Variants in SPRED1 observed in about 807,000 individuals in gnomAD.
SPRED1 encodes the protein sprouty-related, EVH1 domain-containing protein 1.
SPRED1 carries 18 observed loss-of-function variants against 52.3 expected under a neutral mutation model. The observed-to-expected ratio is 0.34, with a 90% CI of 0.24 to 0.51. SPRED1 has a LOEUF of 0.51. Among genes scored for constraint, SPRED1 ranks in the 20% least tolerant of loss-of-function variants. The pLI is 0.97. For synonymous variants in SPRED1, 155 were observed against 179.7 expected (o/e 0.86, Z 1.10); for missense variants, 485 against 551.0 (o/e 0.88, Z 1.20).
Position 38,357,242 on chromosome 15 carries a change from A to G in SPRED1, c.*5578A>G, listed in dbSNP as rs1286490380. 1 of 152,218 alleles carries G rather than the reference A, an allele frequency of 6.6e-6. No individual in the cohort carries two copies. The highest frequency in any genetic ancestry group is 1.5e-5 in the Non-Finnish European group (1 of 68,030). 9.4% of individuals were successfully genotyped at this position (152,218 alleles called of 1,614,324 possible). On this transcript the variant is annotated 3_prime_UTR_variant, in exon 7 of 7. Transcript: ENST00000299084. Reference sequence around the variant, plus strand: ...TACATTCATAATAAAAGTCTTAACAAAATCACAGTTGAAATAGTGTTTCTT... The same window carrying G: ...TACATTCATAATAAAAGTCTTAACAGAATCACAGTTGAAATAGTGTTTCTT...
At chr15:38,323,295 TA>T (rs774575354) in intron 3 of SPRED1, among the ~76,000 whole-genome samples, 4 of 152,292 alleles carry the variant, frequency 2.6e-5, no homozygotes, top group Non-Finnish European at 5.9e-5. Context: ...TTAGCTACTT[TA>T]AAAGATTAGA....
In SPRED1 at chr15:38,253,127, G is replaced by T; in HGVS notation, c.-59G>T. 1 of 1,528,372 alleles carries T rather than the reference G, an allele frequency of 6.5e-7. No individual in the cohort carries two copies. The highest frequency in any genetic ancestry group is 8.9e-7 in the Non-Finnish European group (1 of 1,125,362). The allele number at this position is 1,528,372 out of a possible 1,614,324, so 94.7% of individuals were successfully genotyped here. A position where few individuals can be genotyped will look rare whatever the true frequency, so the allele number is the denominator to read the frequency against. ...CTGCCTCCTGCCCCTCGGTGCTGCT[G>T]TTGCTCCCCCGCCTGCTGTTGCTCC... On this transcript the variant is annotated 5_prime_UTR_variant, in exon 1 of 7. Coordinates refer to ENST00000299084, the MANE Select transcript of SPRED1 (RefSeq NM_152594.3).
chr15:38,312,027 AG>A (rs1164918347), intron 2 of SPRED1, among the ~76,000 whole-genome samples: 1 of 152,090 alleles, frequency 6.6e-6, no homozygotes, highest in African/African-American at 2.4e-5. Flanking sequence ...AAAAGACTTC[AG>A]TTCACTATAG....
chr15:38,299,481 C>A lies in SPRED1; in HGVS notation c.141C>A (p.Val47=). ...SGLSSVTVFK[V]PHQEENGCAD... The stretch of plus-strand genomic sequence containing the variant: ...TAAGCAGCGTCACTGTCTTCAAAGT[C>A]CCTCATCAGGAAGAGAATGGCTGTG... The change falls in exon 2 of 7, where the codon GTC becomes GTA. Residue 47 remains valine (V), a synonymous_variant. Coordinates refer to ENST00000299084, the MANE Select transcript of SPRED1 (RefSeq NM_152594.3). The A allele has an allele frequency of 6.2e-7, 1 of 1,613,992 alleles. No individual in the cohort carries two copies. Among genetic ancestry groups the A allele is most frequent in the Non-Finnish European group, 8.5e-7 (1 of 1,179,950 alleles).
intron 2 of SPRED1, among the ~76,000 whole-genome samples, chr15:38,304,450 A>G (rs1245474515): frequency 6.6e-6 from 1 of 152,224 alleles, no homozygotes; most frequent in African/African-American, 2.4e-5. Flanking sequence ...TAGGAAAAGA[A>G]TGGGAGTGGG....
rs1895037926 is a variant in SPRED1 at position 38,296,269 on chromosome 15, CTT to C, written c.33-3102_33-3101del. ...AGCAGGTCACTTTAGGTGAAGGACA[CTT>C]TGCGTTTCAGACAGTTAAAACTACT... is the stretch of plus-strand genomic sequence containing the variant. On this transcript the variant is annotated intron_variant, in intron 1 of 6. Coordinates refer to ENST00000299084, the MANE Select transcript of SPRED1 (RefSeq NM_152594.3). 2.6e-5 allele frequency among the ~76,000 whole-genome samples: 4 copies of C among 152,232 alleles called. No homozygotes were observed. The South Asian group carries it at 8.3e-4, about 32-fold the overall frequency.
At chr15:38,271,516 A>G (rs1222051986) in intron 1 of SPRED1, among the ~76,000 whole-genome samples, 1 of 152,252 alleles carries the variant, frequency 6.6e-6, no homozygotes, top group African/African-American at 2.4e-5. Context: ...TGTTAGAGAA[A>G]GGATAGAAAC....
intron 1 of SPRED1, among the ~76,000 whole-genome samples, chr15:38,277,372 G>T (rs1013838528): frequency 2.6e-5 from 4 of 152,050 alleles, no homozygotes; most frequent in Non-Finnish European, 5.9e-5. Context: ...GAGATATTTG[G>T]TTTTCTATTC....
intron 2 of SPRED1, among the ~76,000 whole-genome samples, chr15:38,302,296 CTT>C (rs1466341121): frequency 6.6e-6 from 1 of 152,128 alleles, no homozygotes; most frequent in Admixed American, 6.5e-5. Flanking sequence ...TCACAGAAGA[CTT>C]TTCCAACCTT....
At chr15:38,317,898 C>CTA (rs1167417572) in intron 2 of SPRED1, among the ~76,000 whole-genome samples, 2 of 148,914 alleles carry the variant, frequency 1.3e-5, no homozygotes, top group African/African-American at 2.5e-5. Context: ...TCAAGGTGTA[C>CTA]TATACATTGT....
Position 38,299,584 on chromosome 15 carries a change from A to G in SPRED1, c.207+37A>G, listed in dbSNP as rs2272105. The G allele has an allele frequency of 1.7e-3, 2,659 of 1,582,056 alleles. 66 individuals are homozygous for G. In the East Asian group the frequency reaches 0.053, roughly 31 times the overall value. On this transcript the variant is annotated intron_variant, in intron 2 of 6. Transcript: ENST00000299084. ...TGTATCTAATACTATAATTTTAGAT[A>G]ATGAATTATCTGTTTAAAGTTATGA...
At chr15:38,270,150 G>A (rs1404398606) in intron 1 of SPRED1, among the ~76,000 whole-genome samples, 2 of 152,028 alleles carry the variant, frequency 1.3e-5, no homozygotes. Flanking sequence ...CAGGTGATCT[G>A]CCTGCCTCGG....
intron 5 of SPRED1, among the ~76,000 whole-genome samples, chr15:38,340,742 G>A (rs1397203750): frequency 1.3e-5 from 2 of 151,950 alleles, no homozygotes; most frequent in Non-Finnish European, 2.9e-5. Context: ...CATCATCTTG[G>A]TCATGCTGGT....
chr15:38,297,256 C>T (rs1446619481), intron 1 of SPRED1, among the ~76,000 whole-genome samples: 1 of 152,170 alleles, frequency 6.6e-6, no homozygotes, highest in Non-Finnish European at 1.5e-5. Flanking sequence ...CAAATATGAT[C>T]AGAGATTAGA....
chr15:38,345,817 C>A (rs921514274), intron 5 of SPRED1, among the ~76,000 whole-genome samples: 5 of 152,142 alleles, frequency 3.3e-5, no homozygotes, highest in African/African-American at 1.2e-4. Flanking sequence ...CTAAACAAGC[C>A]TGTCTCCAAA....
intron 1 of SPRED1, among the ~76,000 whole-genome samples, chr15:38,260,138 C>T (rs994307858): frequency 6.6e-6 from 1 of 152,164 alleles, no homozygotes; most frequent in African/African-American, 2.4e-5. Flanking sequence ...AATTGGGTGG[C>T]TTAAAAAGCA....
intron 4 of SPRED1, among the ~76,000 whole-genome samples, chr15:38,325,431 A>G (rs1395462567): frequency 6.6e-6 from 1 of 151,986 alleles, no homozygotes; most frequent in African/African-American, 2.4e-5. Context: ...ATCTTTATAT[A>G]GAAAGTAAAG....
chr15:38,289,105 T>G (rs74007145), intron 1 of SPRED1, among the ~76,000 whole-genome samples: 6,288 of 152,248 alleles, frequency 0.041, 436 homozygotes, highest in African/African-American at 0.14. Flanking sequence ...ATGGAATTTT[T>G]CGCTAAAACA....
At chr15:38,282,277 C>G (rs1243200712) in intron 1 of SPRED1, among the ~76,000 whole-genome samples, 1 of 151,608 alleles carries the variant, frequency 6.6e-6, no homozygotes, top group Non-Finnish European at 1.5e-5. Context: ...GAGTTTGAGA[C>G]CAGCCTGGCC....
Sources: allele counts gnomAD v4.1 joint callset (sites outside exome capture counted in the v4.1 genomes callset), GRCh38; gene constraint gnomAD v4.1.1; transcripts MANE v1.5; gene names NCBI Gene and HGNC (gene_info 2026-07-23, HGNC 2026-07-21).